PAX8: variants seen among roughly 807,000 people sequenced by gnomAD.
PAX8 encodes paired box protein Pax-8.
Under a neutral mutation model 52.4 loss-of-function variants are expected in PAX8, and 15 were observed. That is an observed-to-expected ratio of 0.29 (90% CI 0.19 to 0.44). PAX8 has a LOEUF of 0.44. Among genes scored for constraint, PAX8 ranks in the 20% least tolerant of loss-of-function variants. PAX8 has a pLI of 1.00. For synonymous variants in PAX8, 284 were observed against 249.7 expected, an observed-to-expected ratio of 1.14 and a Z score of -1.29; for missense variants, 554 against 602.5, an observed-to-expected ratio of 0.92 and a Z score of 0.84.
intron 2 of PAX8, chr2:113,274,577 A>C (rs1396070840): frequency 6.6e-6 from 1 of 150,776 alleles, no homozygotes; most frequent in Non-Finnish European, 1.5e-5. Flanking sequence ...TTATTCTTTC[A>C]CTCCTTTCTC....
chr2:113,278,489 G>T lies in PAX8; in HGVS notation c.-75-20C>A. On this transcript the variant is annotated intron_variant, in intron 1 of 11. Transcript: ENST00000429538. ...GCTGCCCTGCACAAACCCAGGAGAAGGGCATGAGATGCGATGAGATTCGAT... is the reference window on the plus strand; with the variant it reads ...GCTGCCCTGCACAAACCCAGGAGAATGGCATGAGATGCGATGAGATTCGAT... 1 of 1,576,894 alleles carries T rather than the reference G, an allele frequency of 6.3e-7. No homozygotes were observed. Among genetic ancestry groups the T allele is most frequent in the Non-Finnish European group, 8.6e-7 (1 of 1,158,830 alleles).
intron 2 of PAX8, chr2:113,266,549 TCA>T (rs1396015911): frequency 6.6e-6 from 1 of 152,190 alleles, no homozygotes; most frequent in African/African-American, 2.4e-5. Context: ...TCTCATCATT[TCA>T]CAGAGTGGGG....
At chr2:113,273,637 CCAAGT>C in intron 2 of PAX8, 1 of 152,290 alleles carries the variant, frequency 6.6e-6, no homozygotes. Flanking sequence ...ATCCCCCTCC[CCAAGT>C]CACACACACA....
chr2:113,274,335 G>A (rs934081464), intron 2 of PAX8: 1 of 152,076 alleles, frequency 6.6e-6, no homozygotes, highest in Admixed American at 6.5e-5. Context: ...AAAACTGGGG[G>A]TATCCCTTGG....
At chr2:113,231,791 C>T (rs549196320) in intron 9 of PAX8, among the ~76,000 whole-genome samples, 30 of 152,302 alleles carry the variant, frequency 2.0e-4, no homozygotes, top group African/African-American at 4.3e-4. Flanking sequence ...TGCAATGGCA[C>T]GATCTCGGCT....
intron 2 of PAX8, among the ~76,000 whole-genome samples, chr2:113,255,807 A>C (rs1692203761): frequency 6.6e-6 from 1 of 152,154 alleles, no homozygotes; most frequent in South Asian, 2.1e-4. Context: ...TCTGTTGGGA[A>C]GATGTTAACA....
intron 2 of PAX8, chr2:113,269,202 A>C (rs567728993): frequency 6.6e-6 from 1 of 152,384 alleles, no homozygotes; most frequent in African/African-American, 2.4e-5. Context: ...TTCTACCTAC[A>C]GCCCTGCCAC....
chr2:113,258,465 A>G (rs1488782994), intron 2 of PAX8, among the ~76,000 whole-genome samples: 1 of 151,728 alleles, frequency 6.6e-6, no homozygotes, highest in Admixed American at 6.6e-5. Context: ...AGACTCCTCC[A>G]ATGCCACCGC....
At chr2:113,218,718 CATTT>C (rs1689112169) in intron 11 of PAX8, 109 bp from the exon 12 acceptor site, 1 of 668,116 alleles carries the variant, frequency 1.5e-6, no homozygotes, top group Middle Eastern at 2.4e-4. Context: ...GTTAATCATT[CATTT>C]CTCTGGCCTA....
intron 10 of PAX8, chr2:113,226,854 G>A: frequency 7.7e-7 from 1 of 1,301,970 alleles, no homozygotes; most frequent in Non-Finnish European, 9.9e-7. Context: ...TTCACTGGAA[G>A]AAGTGGTGGA....
chr2:113,220,135 G>T lies in PAX8; in HGVS notation c.1233C>A (p.Ser411=). 5 of 1,614,030 alleles carry T rather than the reference G, an allele frequency of 3.1e-6. No individual in the cohort carries two copies. The highest frequency in any genetic ancestry group is 3.4e-6 in the Non-Finnish European group (4 of 1,179,978). Residue 411 remains serine (S), a synonymous_variant, in exon 11 of 12, where the codon TCC becomes TCA. Transcript: ENST00000429538. ...SGNAYGHTPY[S]SYSEAWRFPN... is the part of the protein sequence containing the mutation. ...GGAAGCGCCAGGCCTCGCTGTAGGA[G>T]GAGTAGGGGGTGTGGCCATAGGCAT...
At chr2:113,219,271 T>TG (rs1460719476) in intron 11 of PAX8, among the ~76,000 whole-genome samples, 1 of 152,162 alleles carries the variant, frequency 6.6e-6, no homozygotes, top group East Asian at 1.9e-4. Flanking sequence ...GAGGGGGTCT[T>TG]GGGGAATGGA....
intron 2 of PAX8, chr2:113,271,428 C>T (rs1165847558): frequency 6.6e-6 from 1 of 152,186 alleles, no homozygotes; most frequent in Admixed American, 6.5e-5. Context: ...AGGCCTCCCT[C>T]CCTCTGCCTT....
Position 113,247,035 on chromosome 2 carries a change from T to C in PAX8, c.26-116A>G, listed in dbSNP as rs572709892. 3.6e-5 allele frequency: 37 copies of C among 1,025,974 alleles called. No individual in the cohort carries two copies. The African/African-American group carries it at 5.4e-4, about 15-fold the overall frequency. The allele number at this position is 1,025,974 out of a possible 1,614,324, so 63.6% of individuals were successfully genotyped here. ...TGTGTGTTTGACTGTGACCATGAAA[T>C]CCCACGGCCAGGCCCTGTGGGCCCC... On this transcript the variant is annotated intron_variant, in intron 2 of 11. Transcript: ENST00000429538.
In PAX8 at chr2:113,217,940, T is replaced by C. The variant is rs1256512192; in HGVS notation, c.*593A>G. The C allele has an allele frequency of 4.3e-6, 1 of 233,100 alleles. No individual in the cohort carries two copies. The highest frequency in any genetic ancestry group is 8.5e-6 in the Non-Finnish European group (1 of 118,088). 14.4% of individuals were successfully genotyped at this position (233,100 alleles called of 1,614,324 possible). On this transcript the variant is annotated 3_prime_UTR_variant, in exon 12 of 12. Transcript: ENST00000429538. ...GGGACTCGCTCCAGCCCTCAGCCCA[T>C]GCCCAAGAGGGAGGTGTAGAAAGAG...
chr2:113,264,542 C>T (rs1460096886), intron 2 of PAX8, among the ~76,000 whole-genome samples: 2 of 152,196 alleles, frequency 1.3e-5, no homozygotes, highest in African/African-American at 4.8e-5. Flanking sequence ...TAGGTGAAAA[C>T]CAGCAGCCCA....
At chr2:113,240,364 C>T (rs912498646) in intron 7 of PAX8, 1 of 152,284 alleles carries the variant, frequency 6.6e-6, no homozygotes, top group Admixed American at 6.5e-5. Flanking sequence ...CAGACGGTCA[C>T]TGGAAGTGGT....
At chr2:113,226,807 T>G in intron 10 of PAX8, 2 of 1,234,334 alleles carry the variant, frequency 1.6e-6, no homozygotes, top group Non-Finnish European at 1.0e-6. Context: ...CACAGTGTTT[T>G]GGGGCCCTTA....
intron 9 of PAX8, among the ~76,000 whole-genome samples, chr2:113,231,382 G>A: frequency 6.6e-6 from 1 of 152,214 alleles, no homozygotes; most frequent in East Asian, 1.9e-4. Context: ...AAGGGAACTG[G>A]CAGCAATGTT....
Sources: gnomAD v4.1 joint callset for allele counts (sites outside exome capture counted in the v4.1 genomes callset) on GRCh38, gnomAD v4.1.1 for gene constraint, MANE v1.5 for transcripts, NCBI Gene and HGNC (gene_info 2026-07-23, HGNC 2026-07-21) for gene names.